Variants in RBFOX1 observed in about 807,000 individuals in gnomAD.
RBFOX1 encodes RNA binding fox-1 homolog 1.
A neutral mutation model predicts 57.7 loss-of-function variants in RBFOX1; 8 were observed. That is an observed-to-expected ratio of 0.14 (90% CI 0.08 to 0.25). The LOEUF is 0.25. RBFOX1 is among the 10% of genes least tolerant of loss of function. The pLI, the probability that RBFOX1 is intolerant of heterozygous loss-of-function variation, is 1.00. For synonymous variants in RBFOX1, 326 were observed against 222.4 expected (o/e 1.47, Z -4.15); for missense variants, 611 against 548.5 (o/e 1.11, Z -1.14).
chr16:7,047,237 G>A (rs1052040813), intron 3 of RBFOX1, among the ~76,000 whole-genome samples: 1 of 151,962 alleles, frequency 6.6e-6, no homozygotes, highest in Non-Finnish European at 1.5e-5. Flanking sequence ...TTTTAGGGCA[G>A]GTCTGTCTGC....
intron 3 of RBFOX1, among the ~76,000 whole-genome samples, chr16:6,749,740 C>G (rs1473566489): frequency 6.6e-6 from 1 of 152,146 alleles, no homozygotes; most frequent in Non-Finnish European, 1.5e-5. Context: ...TTAAGAATAA[C>G]AGCGACTTGG....
intron 4 of RBFOX1, among the ~76,000 whole-genome samples, chr16:7,227,378 ATCC>A (rs2093204998): frequency 6.7e-6 from 1 of 148,890 alleles, no homozygotes; most frequent in South Asian, 2.1e-4. Context: ...TCACTGCATA[ATCC>A]TCCTCTCGTA....
chr16:7,120,840 C>CACACACACACACACATACACACACACAT (rs1567336963), intron 4 of RBFOX1, among the ~76,000 whole-genome samples: 1 of 145,620 alleles, frequency 6.9e-6, no homozygotes, highest in African/African-American at 2.6e-5. Context: ...TACACACACA[C>CACACACACACACACATACACACACACAT]ACACACACAC....
intron 2 of RBFOX1, among the ~76,000 whole-genome samples, chr16:6,331,913 C>A (rs1419775937): frequency 6.6e-6 from 1 of 152,078 alleles, no homozygotes; most frequent in Non-Finnish European, 1.5e-5. Context: ...CCTAGGATGA[C>A]ACCATTTGTT....
At chr16:5,835,869 C>G (rs1162503375) in intron 3 of RBFOX1, among the ~76,000 whole-genome samples, 3 of 152,164 alleles carry the variant, frequency 2.0e-5, no homozygotes, top group Non-Finnish European at 4.4e-5. Flanking sequence ...CCATCCCTCC[C>G]AGAGCACAGT....
intron 10 of RBFOX1, among the ~76,000 whole-genome samples, chr16:7,625,375 T>G (rs1246797918): frequency 1.3e-5 from 2 of 152,166 alleles, no homozygotes; most frequent in African/African-American, 4.8e-5. Flanking sequence ...GGTGGTTTCT[T>G]ATTACAGGAA....
intron 4 of RBFOX1, among the ~76,000 whole-genome samples, chr16:7,509,409 T>A (rs2074358969): frequency 6.7e-6 from 1 of 149,820 alleles, no homozygotes; most frequent in Non-Finnish European, 1.5e-5. Flanking sequence ...TGTGTGTGTG[T>A]GTGTGTGTGT....
At chr16:6,027,328 G>A (rs1324798455) in intron 1 of RBFOX1, among the ~76,000 whole-genome samples, 1 of 152,122 alleles carries the variant, frequency 6.6e-6, no homozygotes, top group Non-Finnish European at 1.5e-5. Context: ...GCAGACTCAA[G>A]CAGTTCTCTT....
chr16:5,837,724 G>A (rs1467588732), intron 3 of RBFOX1, among the ~76,000 whole-genome samples: 1 of 151,880 alleles, frequency 6.6e-6, no homozygotes, highest in East Asian at 1.9e-4. Context: ...GCTCCATGTG[G>A]TTTATATTGC....
rs112949395 is a variant in RBFOX1, at chr16:6,258,502, C to T, written c.-126-58493C>T. ...TCTGTTTCCAAATAATCTTCCATCACAATTCTGTTTATCTCACTCCTCTGC... is the reference window on the plus strand; with the variant it reads ...TCTGTTTCCAAATAATCTTCCATCATAATTCTGTTTATCTCACTCCTCTGC... On this transcript the variant is annotated intron_variant, in intron 1 of 15. Coordinates refer to ENST00000550418, the MANE Select transcript of RBFOX1 (RefSeq NM_018723.4). 1.3e-3 allele frequency among the ~76,000 whole-genome samples: 196 copies of T among 152,300 alleles called. 1 individual carries two copies. The highest frequency in any genetic ancestry group is 4.1e-3 in the African/African-American group (171 of 41,570).
At chr16:5,377,580 G>T (rs1177945288) in intron 1 of RBFOX1, among the ~76,000 whole-genome samples, 2 of 147,486 alleles carry the variant, frequency 1.4e-5, no homozygotes, top group African/African-American at 5.1e-5. Context: ...AAAGAGAGGA[G>T]ATGGGGGGAG....
chr16:5,308,458 A>G (rs1199626203), intron 1 of RBFOX1, among the ~76,000 whole-genome samples: 1 of 152,186 alleles, frequency 6.6e-6, no homozygotes, highest in Non-Finnish European at 1.5e-5. Flanking sequence ...ATATTTATAT[A>G]TTGCCAGTTC....
At chr16:6,658,403 T>C (rs1016945386) in intron 3 of RBFOX1, among the ~76,000 whole-genome samples, 2 of 151,942 alleles carry the variant, frequency 1.3e-5, no homozygotes, top group African/African-American at 4.8e-5. Context: ...GAGGTGGGGT[T>C]TTACCATGTT....
chr16:5,673,404 C>T (rs1817294201), intron 3 of RBFOX1, among the ~76,000 whole-genome samples: 4 of 151,888 alleles, frequency 2.6e-5, no homozygotes. Flanking sequence ...CAGAGGGAAC[C>T]CATCCTGAAG....
At chr16:6,999,212 A>ATTTTTTTTTTTTTTTT (rs1254312494) in intron 3 of RBFOX1, among the ~76,000 whole-genome samples, 2 of 117,692 alleles carry the variant, frequency 1.7e-5, no homozygotes, top group Non-Finnish European at 3.8e-5. Flanking sequence ...TTTTATTTTT[A>ATTTTTTTTTTTTTTTT]TTTATTTTTT....
At chr16:7,178,121 C>T (rs1028487593) in intron 4 of RBFOX1, among the ~76,000 whole-genome samples, 25 of 152,310 alleles carry the variant, frequency 1.6e-4, no homozygotes, top group Admixed American at 2.6e-4. Context: ...ATGTCAGTGA[C>T]AGCAGCAGCA....
intron 4 of RBFOX1, among the ~76,000 whole-genome samples, chr16:7,341,780 TTCCTTCCTTCC>T (rs1568306705): frequency 8.5e-4 from 48 of 56,402 alleles, no homozygotes; most frequent in African/African-American, 4.6e-3. Flanking sequence ...CCCTCCCTCC[TTCCTTCCTTCC>T]TTCCTTCCTT....
intron 4 of RBFOX1, among the ~76,000 whole-genome samples, chr16:7,192,040 T>A (rs1450795887): frequency 6.6e-6 from 1 of 152,218 alleles, no homozygotes; most frequent in Non-Finnish European, 1.5e-5. Context: ...GGAAACAGTT[T>A]TTAATCTATT....
chr16:7,341,547 A>G (rs1024833766), intron 4 of RBFOX1, among the ~76,000 whole-genome samples: 3 of 152,086 alleles, frequency 2.0e-5, no homozygotes, highest in African/African-American at 7.2e-5. Context: ...TCTCCACCCC[A>G]CTGACCGACT....
Sources: gnomAD v4.1 joint callset for allele counts (sites outside exome capture counted in the v4.1 genomes callset) on GRCh38, gnomAD v4.1.1 for gene constraint, MANE v1.5 for transcripts, NCBI Gene and HGNC (gene_info 2026-07-23, HGNC 2026-07-21) for gene names.